Variants in OXSM observed in about 807,000 individuals in gnomAD.
The protein encoded by OXSM is 3-oxoacyl-[acyl-carrier-protein] synthase, mitochondrial.
In OXSM, 19 loss-of-function variants were observed where a neutral mutation model predicts 29.2. That is an observed-to-expected ratio of 0.65 (90% CI 0.45 to 0.96). The LOEUF (loss-of-function observed/expected upper bound fraction) is 0.96. Among genes scored for constraint, OXSM ranks in the 40% least tolerant of loss-of-function variants. The pLI, the probability that OXSM is intolerant of heterozygous loss-of-function variation, is 0.00. For synonymous variants in OXSM, 178 were observed against 197.1 expected, an observed-to-expected ratio of 0.90 and a Z score of 0.81; for missense variants, 554 against 551.3, an observed-to-expected ratio of 1.00 and a Z score of -0.05.
At chr3:25,794,029 G>C (rs1448931112) in intron 2 of OXSM, 63 bp from the exon 3 acceptor site, 1 of 1,440,440 alleles carries the variant, frequency 6.9e-7, no homozygotes, top group African/African-American at 1.4e-5. Context: ...AAGCCATACA[G>C]ATAAAGAGAC....
chr3:25,794,074 CT>C lies in OXSM; in HGVS notation c.978-14del. ...AATTAAACTTAGTCCTGATAAATGT[CT>C]TTTCTTGTTTTATTAGGTGTATGGC... On this transcript the variant is annotated splice_polypyrimidine_tract_variant and intron_variant, in intron 2 of 2. Transcript: ENST00000280701. The C allele has an allele frequency of 6.3e-7, 1 of 1,584,146 alleles. No individual in the cohort carries two copies. The highest frequency in any genetic ancestry group is 8.6e-7 in the Non-Finnish European group (1 of 1,167,484).
Position 25,794,237 on chromosome 3 carries a change from G to A in OXSM, c.1123G>A (p.Ala375Thr). The A allele has an allele frequency of 6.2e-7, 1 of 1,614,214 alleles. No individual in the cohort carries two copies. Among genetic ancestry groups the A allele is most frequent in the Non-Finnish European group, 8.5e-7 (1 of 1,180,030 alleles). The change falls in exon 3 of 3, where the codon GCA (alanine) becomes ACA (threonine). Residue 375 changes from alanine to threonine, a missense_variant. Physicochemically the swap from Ala to Thr is moderately conservative, Grantham distance 58. Transcript: ENST00000280701. Reference sequence around the variant, plus strand: ...CTTCAAAGACCATGCATATGCCCTTGCAGTTTCCTCAACTAAGGGAGCAAC... The same window carrying A: ...CTTCAAAGACCATGCATATGCCCTTACAGTTTCCTCAACTAAGGGAGCAAC... ...HLFKDHAYAL[A>T]VSSTKGATGH...
Position 25,791,278 on chromosome 3 carries a change from CA to C in OXSM, c.259del (p.Ser87ValfsTer42), listed in dbSNP as rs747586021. On this transcript the variant is annotated frameshift_variant, in exon 2 of 3. Transcript: ENST00000280701. LOFTEE classifies it high-confidence loss of function. ...VGEEYKSIPC[S>X]VAAYVPRGSD... The stretch of plus-strand genomic sequence containing the variant: ...GTGAAGAGTATAAGAGTATCCCTTG[CA>C]GTGTTGCTGCTTATGTGCCAAGAGG... 6.2e-7 allele frequency: 1 copy of C among 1,614,114 alleles called. No homozygotes were observed. The highest frequency in any genetic ancestry group is 1.1e-5 in the South Asian group (1 of 91,076).
In OXSM at chr3:25,794,471, A is replaced by G; in HGVS notation, c.1357A>G (p.Thr453Ala). 1 of 1,611,066 alleles carries G rather than the reference A, an allele frequency of 6.2e-7. No individual in the cohort carries two copies. The highest frequency in any genetic ancestry group is 8.5e-7 in the Non-Finnish European group (1 of 1,177,966). ...NSFGFGGTNA[T>A]LCIAGL is the part of the protein sequence containing the mutation. ...CTTTGGTTTTGGTGGTACTAATGCA[A>G]CACTTTGTATTGCTGGACTGTAGAA... The change falls in exon 3 of 3, where the codon ACA becomes GCA. Residue 453 changes from threonine to alanine, a missense_variant. Transcript: ENST00000280701.
chr3:25,791,028 A>T lies in OXSM; in HGVS notation c.8A>T (p.Asn3Ile), dbSNP rs1335315148. Residue 3 changes from asparagine (N) to isoleucine (I), a missense_variant, in exon 2 of 3, where the codon AAC becomes ATC. Physicochemically the swap from Asn to Ile is moderately radical, Grantham distance 149 (BLOSUM62 -3). Coordinates refer to ENST00000280701, the MANE Select transcript of OXSM (RefSeq NM_017897.3). MS[N>I]CLQNFLKITS... The stretch of plus-strand genomic sequence containing the variant: ...ATCATCTGAATCTTAATCATGTCCA[A>T]CTGCCTGCAAAATTTCCTGAAAATT... 1 of 1,610,862 alleles carries T rather than the reference A, an allele frequency of 6.2e-7. No homozygotes were observed. The highest frequency in any genetic ancestry group is 1.3e-5 in the African/African-American group (1 of 74,866).
Position 25,794,475 on chromosome 3 carries a change from T to C in OXSM, c.1361T>C (p.Leu454Pro), listed in dbSNP as rs762449341. 6.8e-6 allele frequency: 11 copies of C among 1,606,704 alleles called. No homozygotes were observed. Among genetic ancestry groups the C allele is most frequent in the Non-Finnish European group, 9.4e-6 (11 of 1,174,846 alleles). The change falls in exon 3 of 3, where the codon CTT becomes CCT. Residue 454 changes from leucine (L) to proline (P), a missense_variant. Physicochemically the swap from Leu to Pro is moderately conservative, Grantham distance 98. Coordinates refer to ENST00000280701, the MANE Select transcript of OXSM (RefSeq NM_017897.3). ...SFGFGGTNATLCIAGL is the reference protein window; with the variant it reads ...SFGFGGTNATPCIAGL ...GGTTTTGGTGGTACTAATGCAACACTTTGTATTGCTGGACTGTAGAACATA... is the reference window on the plus strand; with the variant it reads ...GGTTTTGGTGGTACTAATGCAACACCTTGTATTGCTGGACTGTAGAACATA...
At chr3:25,793,428 AAT>A (rs969813408) in intron 2 of OXSM, among the ~76,000 whole-genome samples, 1 of 152,112 alleles carries the variant, frequency 6.6e-6, no homozygotes, top group Non-Finnish European at 1.5e-5. Context: ...GCTGTTAAGA[AAT>A]ATATATACAC....
intron 1 of OXSM, 96 bp from the exon 2 acceptor site, chr3:25,790,894 C>T (rs1046400957): frequency 2.5e-6 from 2 of 793,206 alleles, no homozygotes; most frequent in Non-Finnish European, 2.0e-6. Flanking sequence ...ATTAGCAGCT[C>T]ATATCAAGCA....
chr3:25,790,470 C>T (rs533664911), intron 1 of OXSM: 3 of 160,804 alleles, frequency 1.9e-5, no homozygotes, highest in Admixed American at 1.8e-4. Context: ...CAAGCTTGGT[C>T]ACAGAGTGTA....
At chr3:25,793,678 G>A (rs1271707418) in intron 2 of OXSM, among the ~76,000 whole-genome samples, 1 of 152,156 alleles carries the variant, frequency 6.6e-6, no homozygotes, top group African/African-American at 2.4e-5. Flanking sequence ...GAATTTAAAT[G>A]TGAAAGAAAA....
chr3:25,791,090 C>T lies in OXSM; in HGVS notation c.70C>T (p.Gln24Ter). 1 of 1,614,056 alleles carries T rather than the reference C, an allele frequency of 6.2e-7. No homozygotes were observed. The highest frequency in any genetic ancestry group is 8.5e-7 in the Non-Finnish European group (1 of 1,179,924). Residue 24 changes from glutamine (Q) to a stop codon, truncating the protein, a stop_gained, in exon 2 of 3, where the codon CAG (glutamine) becomes TAG (stop). Transcript: ENST00000280701. LOFTEE classifies it high-confidence loss of function. ...TCTTCTATGTTCAAGATTATGCCAA[C>T]AGTTAAGAAGTAAAAGGAAGTTTTT... Reference protein sequence around the residue: ...TRLLCSRLCQQLRSKRKFFGT... With the variant: ...TRLLCSRLCQ
At chr3:25,792,021 A>T (rs749136825) in intron 2 of OXSM, 24 bp downstream of exon 2, 2 of 1,567,610 alleles carry the variant, frequency 1.3e-6, no homozygotes, top group Non-Finnish European at 1.7e-6. Flanking sequence ...ATTTCCTTCG[A>T]AATATTTCTT....
intron 2 of OXSM, 40 bp downstream of exon 2, chr3:25,792,037 A>G (rs1227975383): frequency 3.2e-6 from 5 of 1,545,524 alleles, no homozygotes; most frequent in Non-Finnish European, 4.4e-6. Flanking sequence ...TTCTTCAAAT[A>G]AGACACTTTA....
At chr3:25,793,787 G>A (rs976691099) in intron 2 of OXSM, among the ~76,000 whole-genome samples, 5 of 152,078 alleles carry the variant, frequency 3.3e-5, no homozygotes, top group African/African-American at 1.2e-4. Context: ...TTTCCCCAAG[G>A]AAAACTGCCA....
intron 2 of OXSM, among the ~76,000 whole-genome samples, chr3:25,792,550 C>T (rs528649063): frequency 2.8e-4 from 43 of 152,200 alleles, no homozygotes; most frequent in African/African-American, 9.9e-4. Context: ...GGTCTTATCT[C>T]ACTGCAGTCT....
At position 25,791,806 on chromosome 3, in the gene OXSM, G is replaced by A. The variant is rs758298830; in HGVS notation, c.786G>A (p.Leu262=). The A allele has an allele frequency of 1.9e-6, 3 of 1,614,088 alleles. No individual in the cohort carries two copies. Among genetic ancestry groups the A allele is most frequent in the East Asian group, 4.5e-5 (2 of 44,882 alleles). The change falls in exon 2 of 3, where the codon TTG becomes TTA. Residue 262 remains leucine, a synonymous_variant. Coordinates refer to ENST00000280701, the MANE Select transcript of OXSM (RefSeq NM_017897.3). ...TGAGCACAAACTCAGATCCCAAGTT[G>A]GCATGTCGACCATTTCATCCAAAGA... ...RALSTNSDPK[L]ACRPFHPKRD...
chr3:25,790,747 ACT>A, intron 1 of OXSM: 1 of 352,610 alleles, frequency 2.8e-6, no homozygotes, highest in Admixed American at 4.3e-5. Flanking sequence ...TGTTTTGGTG[ACT>A]CGAATGAATC....
chr3:25,791,901 G>C lies in OXSM; in HGVS notation c.881G>C (p.Arg294Thr). 3 of 1,606,696 alleles carry C rather than the reference G, an allele frequency of 1.9e-6. No individual in the cohort carries two copies. The highest frequency in any genetic ancestry group is 2.5e-6 in the Non-Finnish European group (3 of 1,179,968). ...VLEEYEHAVQ[R>T]RARIYAEVLG... ...GAAGAATATGAACATGCTGTTCAAA[G>C]AAGAGCCCGGATCTATGCAGAAGTT... The change falls in exon 2 of 3, where the codon AGA (arginine) becomes ACA (threonine). Residue 294 changes from arginine (R) to threonine (T), a missense_variant. By Grantham distance (71) the Arg-to-Thr change is moderately conservative (BLOSUM62 -1). Transcript: ENST00000280701.
At chr3:25,793,438 C>T (rs1164527129) in intron 2 of OXSM, among the ~76,000 whole-genome samples, 1 of 152,132 alleles carries the variant, frequency 6.6e-6, no homozygotes, top group African/African-American at 2.4e-5. Context: ...AATATATATA[C>T]ACACACAAAC....
Sources: gnomAD v4.1 joint callset for allele counts (sites outside exome capture counted in the v4.1 genomes callset) on GRCh38, gnomAD v4.1.1 for gene constraint, MANE v1.5 for transcripts, NCBI Gene and HGNC (gene_info 2026-07-23, HGNC 2026-07-21) for gene names.